SLTM: variants seen among roughly 807,000 people sequenced by gnomAD.
The protein encoded by SLTM is SAFB like transcription modulator.
In SLTM, 43 loss-of-function variants were observed where a neutral mutation model predicts 134.6. The observed-to-expected ratio is 0.32, with a 90% CI of 0.25 to 0.41. The LOEUF is 0.41. SLTM is among the 10% of genes least tolerant of loss of function. The pLI is 1.00. For synonymous variants in SLTM, 424 were observed against 432.3 expected, an observed-to-expected ratio of 0.98 and a Z score of 0.24; for missense variants, 1,055 against 1,288.8, an observed-to-expected ratio of 0.82 and a Z score of 2.78.
At chr15:58,900,217 A>C (rs2035371392) in intron 6 of SLTM, among the ~76,000 whole-genome samples, 1 of 152,204 alleles carries the variant, frequency 6.6e-6, no homozygotes, top group Non-Finnish European at 1.5e-5. Context: ...ATTTCTGGTT[A>C]TAAGTTAATG....
chr15:58,925,568 C>T (rs2037399108), intron 2 of SLTM, among the ~76,000 whole-genome samples: 2 of 152,172 alleles, frequency 1.3e-5, no homozygotes, highest in South Asian at 4.1e-4. Flanking sequence ...GAACTCCTGA[C>T]CTCAAGTGAT....
Position 58,921,054 on chromosome 15 carries a change from C to T in SLTM, c.251-4055G>A, listed in dbSNP as rs79044788. Among the ~76,000 whole-genome samples, 1,395 of 152,270 alleles carry T rather than the reference C, an allele frequency of 9.2e-3. 10 individuals are homozygous for T. The highest frequency in any genetic ancestry group is 0.015 in the Non-Finnish European group (1,054 of 68,014). On this transcript the variant is annotated intron_variant, in intron 2 of 20. Coordinates refer to ENST00000380516, the MANE Select transcript of SLTM (RefSeq NM_024755.4). ...ATTGCATAGTATGCACACTCTGTGT[C>T]GAATTTCTCTTCTTTTAGTGAAAAA...
chr15:58,918,924 T>C (rs1339065879), intron 2 of SLTM, among the ~76,000 whole-genome samples: 2 of 152,030 alleles, frequency 1.3e-5, no homozygotes, highest in Admixed American at 1.3e-4. Flanking sequence ...TCTTTTTTTT[T>C]TTTTCCTGAG....
At chr15:58,903,010 T>A (rs970358178) in intron 5 of SLTM, among the ~76,000 whole-genome samples, 45 of 152,204 alleles carry the variant, frequency 3.0e-4, no homozygotes, top group African/African-American at 1.0e-3. Context: ...CAAGCGATTC[T>A]CCTGCTTCAG....
rs2035353712 is a variant in SLTM at position 58,899,986 on chromosome 15, A to C, written c.590-49T>G. On this transcript the variant is annotated intron_variant, in intron 6 of 20. Coordinates refer to ENST00000380516, the MANE Select transcript of SLTM (RefSeq NM_024755.4). This position sits in a 1 kb window ranked among gnomAD's most constrained non-coding sequence, Gnocchi z 5.0. Reference sequence around the variant, plus strand: ...ATATGGCAAAACAAGAAGTTTAAACAATTTCATATTCATAAGCTAGAATAG... The same window carrying C: ...ATATGGCAAAACAAGAAGTTTAAACCATTTCATATTCATAAGCTAGAATAG... 7.0e-7 allele frequency: 1 copy of C among 1,431,046 alleles called. No homozygotes were observed. The highest frequency in any genetic ancestry group is 9.6e-7 in the Non-Finnish European group (1 of 1,042,942). The allele number at this position is 1,431,046 out of a possible 1,614,324, so 88.6% of individuals were successfully genotyped here. A position where few individuals can be genotyped will look rare whatever the true frequency, so the allele number is the denominator to read the frequency against.
intron 5 of SLTM, among the ~76,000 whole-genome samples, chr15:58,910,590 C>T (rs141458488): frequency 6.6e-6 from 1 of 152,248 alleles, no homozygotes; most frequent in East Asian, 1.9e-4. Context: ...TGCCTTCATG[C>T]AACTCACAAA....
intron 16 of SLTM, 51 bp from the exon 17 acceptor site, chr15:58,888,606 A>G (rs1157179302): frequency 6.3e-7 from 1 of 1,580,958 alleles, no homozygotes. Context: ...ACAGTAATCA[A>G]ACGACATTTA....
intron 3 of SLTM, among the ~76,000 whole-genome samples, chr15:58,915,747 A>G (rs1203162758): frequency 1.3e-5 from 2 of 152,024 alleles, no homozygotes; most frequent in African/African-American, 4.8e-5. Context: ...GAAGAGAGCT[A>G]GGAGGCAGGA....
At chr15:58,907,490 C>T (rs562930888) in intron 5 of SLTM, among the ~76,000 whole-genome samples, 35 of 152,078 alleles carry the variant, frequency 2.3e-4, no homozygotes, top group Non-Finnish European at 4.1e-4. Flanking sequence ...GGTGTGGTGG[C>T]GCACGCCTGT....
In SLTM at chr15:58,879,907, A is replaced by G; in HGVS notation, c.*92T>C. 1.4e-6 allele frequency: 2 copies of G among 1,434,436 alleles called. No homozygotes were observed. The highest frequency in any genetic ancestry group is 1.9e-6 in the Non-Finnish European group (2 of 1,076,626). 88.9% of individuals were successfully genotyped at this position (1,434,436 alleles called of 1,614,324 possible). A position where few individuals can be genotyped will look rare whatever the true frequency, so the allele number is the denominator to read the frequency against. On this transcript the variant is annotated 3_prime_UTR_variant, in exon 21 of 21. Coordinates refer to ENST00000380516, the MANE Select transcript of SLTM (RefSeq NM_024755.4). ...AAAAGAAAAGTCTGACAGAACTCTCAAGCAAGTCAGAGGTCCTCTTCATAA... is the reference window on the plus strand; with the variant it reads ...AAAAGAAAAGTCTGACAGAACTCTCGAGCAAGTCAGAGGTCCTCTTCATAA...
intron 5 of SLTM, among the ~76,000 whole-genome samples, chr15:58,901,917 C>A (rs1184513978): frequency 3.3e-5 from 5 of 151,732 alleles, no homozygotes; most frequent in Non-Finnish European, 7.4e-5. Flanking sequence ...TCATAGTTGT[C>A]ACACATATAC....
intron 2 of SLTM, 150 bp downstream of exon 2, chr15:58,932,206 C>T (rs1186592209): frequency 3.2e-6 from 2 of 626,814 alleles, no homozygotes; most frequent in Non-Finnish European, 5.8e-6. Flanking sequence ...AGCCTGGCAA[C>T]AGTAACTTTT....
At chr15:58,898,966 A>C in intron 7 of SLTM, 114 bp from the exon 8 acceptor site, 1 of 711,774 alleles carries the variant, frequency 1.4e-6, no homozygotes, top group Non-Finnish European at 2.4e-6. Context: ...CAAATTAACA[A>C]TTCCAAAGGC....
At position 58,899,424 on chromosome 15, in the gene SLTM, A is replaced by G; in HGVS notation, c.1058+45T>C. ...CCTTAATGTAGAGTGATCTTATTGAATGCTGGAATTCAGTATCGTAAAGAA... is the reference window on the plus strand; with the variant it reads ...CCTTAATGTAGAGTGATCTTATTGAGTGCTGGAATTCAGTATCGTAAAGAA... On this transcript the variant is annotated intron_variant, in intron 7 of 20. Transcript: ENST00000380516. The surrounding 1 kb of genome is among the most constrained non-coding windows in gnomAD (Gnocchi z 5.0). The G allele has an allele frequency of 6.7e-7, 1 of 1,496,596 alleles. No homozygotes were observed. Among genetic ancestry groups the G allele is most frequent in the Non-Finnish European group, 9.3e-7 (1 of 1,076,938 alleles). The allele number at this position is 1,496,596 out of a possible 1,614,324, so 92.7% of individuals were successfully genotyped here. A position where few individuals can be genotyped will look rare whatever the true frequency, so the allele number is the denominator to read the frequency against.
intron 3 of SLTM, among the ~76,000 whole-genome samples, chr15:58,916,244 G>T (rs1286453305): frequency 7.3e-5 from 11 of 150,736 alleles, no homozygotes; most frequent in Non-Finnish European, 1.5e-4. Context: ...CACAATTTCG[G>T]CTCACTGCAC....
Position 58,933,533 on chromosome 15 carries a change from C to G in SLTM, c.33G>C (p.Ser11=), listed in dbSNP as rs1321666488. Residue 11 remains serine, a synonymous_variant, in exon 1 of 21, where the codon TCG becomes TCC. Coordinates refer to ENST00000380516, the MANE Select transcript of SLTM (RefSeq NM_024755.4). ...TACCTTCCGCCTGACCCGAGGCGGCCGAGGCTGCCACCGCACCGGTAGCGG... is the reference window on the plus strand; with the variant it reads ...TACCTTCCGCCTGACCCGAGGCGGCGGAGGCTGCCACCGCACCGGTAGCGG... MAAATGAVAA[S]AASGQAEGKK... is the part of the protein sequence containing the mutation. 1.3e-6 allele frequency: 2 copies of G among 1,596,008 alleles called. No homozygotes were observed. The highest frequency in any genetic ancestry group is 1.7e-5 in the Admixed American group (1 of 57,914).
chr15:58,886,851 C>G, intron 19 of SLTM, 124 bp downstream of exon 19: 1 of 1,146,706 alleles, frequency 8.7e-7, no homozygotes, highest in East Asian at 2.5e-5. Context: ...AAAATTAATG[C>G]CTCTGAATCA....
chr15:58,931,126 T>C (rs144955094), intron 2 of SLTM, among the ~76,000 whole-genome samples: 2,059 of 152,312 alleles, frequency 0.014, 31 homozygotes, highest in Middle Eastern at 0.041. Flanking sequence ...CTCTGGTTTG[T>C]TGGCAGTCTT....
intron 20 of SLTM, among the ~76,000 whole-genome samples, chr15:58,881,238 T>G (rs1019402917): frequency 6.6e-6 from 1 of 151,966 alleles, no homozygotes; most frequent in South Asian, 2.1e-4. Flanking sequence ...AAATCTACAG[T>G]GAAGGCCGGG....
Sources: allele counts gnomAD v4.1 joint callset (sites outside exome capture counted in the v4.1 genomes callset), GRCh38; gene constraint gnomAD v4.1.1; non-coding constraint Gnocchi (gnomAD v3.1); transcripts MANE v1.5; gene names NCBI Gene and HGNC (gene_info 2026-07-23, HGNC 2026-07-21).